Variants in DPH6 observed in about 807,000 individuals in gnomAD.
The protein encoded by DPH6 is diphthamine biosynthesis 6.
In DPH6, 33 loss-of-function variants were observed where a neutral mutation model predicts 38.2. The ratio of observed to expected loss-of-function variants is 0.86; its 90% CI spans 0.65 to 1.15. The LOEUF is 1.15. DPH6 is among the 50% of genes most tolerant of loss of function. The pLI, the probability that DPH6 is intolerant of heterozygous loss-of-function variation, is 0.00. For synonymous variants in DPH6, 108 were observed against 103.0 expected (o/e 1.05, Z -0.30); for missense variants, 325 against 320.0 (o/e 1.02, Z -0.12).
intron 3 of DPH6, among the ~76,000 whole-genome samples, chr15:35,515,584 G>A (rs928792695): frequency 1.1e-4 from 16 of 152,026 alleles, no homozygotes; most frequent in African/African-American, 3.9e-4. Flanking sequence ...AGCCGGGCAC[G>A]GTGGCGGGCG....
At chr15:35,430,476 T>C (rs567406829) in intron 5 of DPH6, among the ~76,000 whole-genome samples, 2 of 151,766 alleles carry the variant, frequency 1.3e-5, no homozygotes, top group Non-Finnish European at 2.9e-5. Context: ...TTACATCTAA[T>C]GACTCCTGCC....
the DPH6 span, among the ~76,000 whole-genome samples, chr15:35,160,669 A>G: frequency 6.6e-6 from 1 of 151,792 alleles, no homozygotes; most frequent in Non-Finnish European, 1.5e-5. Context: ...TGTGTACTCA[A>G]TGTTTAGCTT....
chr15:35,218,269 T>C (rs1451910374), exon 4 of DPH6: 1 of 152,224 alleles, frequency 6.6e-6, no homozygotes, highest in African/African-American at 2.4e-5. Flanking sequence ...ATAGTATTTG[T>C]TCAAAGAGAA....
intron 3 of DPH6, among the ~76,000 whole-genome samples, chr15:35,255,169 AAGGC>A (rs1458429359): frequency 1.3e-5 from 2 of 152,224 alleles, no homozygotes; most frequent in African/African-American, 4.8e-5. Flanking sequence ...ACTATGAAAC[AAGGC>A]AGTATCACAC....
chr15:35,403,958 A>G (rs1050803851), intron 6 of DPH6, among the ~76,000 whole-genome samples: 1 of 152,078 alleles, frequency 6.6e-6, no homozygotes, highest in South Asian at 2.1e-4. Flanking sequence ...GATCCCACAA[A>G]TAAGTGACAA....
At chr15:35,255,553 C>T (rs1474907395) in intron 3 of DPH6, among the ~76,000 whole-genome samples, 3 of 152,004 alleles carry the variant, frequency 2.0e-5, no homozygotes, top group African/African-American at 4.8e-5. Context: ...ATAAATGTTA[C>T]TTTAGTTTCA....
intron 3 of DPH6, among the ~76,000 whole-genome samples, chr15:35,225,737 G>T (rs1426174269): frequency 6.6e-6 from 1 of 152,130 alleles, no homozygotes; most frequent in African/African-American, 2.4e-5. Flanking sequence ...GCTGTCACTG[G>T]TGTGTTACCA....
intron 3 of DPH6, among the ~76,000 whole-genome samples, chr15:35,345,572 C>G (rs1039739022): frequency 1.3e-5 from 2 of 151,870 alleles, no homozygotes; most frequent in African/African-American, 4.8e-5. Context: ...GTTAATCTTG[C>G]ATCCCTAGAA....
At chr15:35,348,962 A>G (rs548734515) in intron 3 of DPH6, among the ~76,000 whole-genome samples, 23 of 152,240 alleles carry the variant, frequency 1.5e-4, no homozygotes, top group Non-Finnish European at 1.5e-5. Context: ...TTTTGCTGAT[A>G]ATGTACAGAA....
intron 3 of DPH6, among the ~76,000 whole-genome samples, chr15:35,468,911 T>C (rs1199255479): frequency 6.6e-6 from 1 of 151,964 alleles, no homozygotes. Context: ...CTACTAAAAG[T>C]ACGAAAATTA....
At chr15:35,264,097 T>C (rs80296433) in intron 3 of DPH6, among the ~76,000 whole-genome samples, 1 of 46,640 alleles carries the variant, frequency 2.1e-5, no homozygotes, top group African/African-American at 3.3e-5. Context: ...TTAAGCCTTG[T>C]TTTTTTTTTT....
chr15:35,207,662 T>G, the DPH6 span, among the ~76,000 whole-genome samples: 1 of 152,320 alleles, frequency 6.6e-6, no homozygotes, highest in Admixed American at 6.5e-5. Context: ...TAGCAAGTTG[T>G]TTTTAAAGCA....
chr15:35,172,772 G>C, the DPH6 span, among the ~76,000 whole-genome samples: 2 of 152,094 alleles, frequency 1.3e-5, no homozygotes, highest in Non-Finnish European at 2.9e-5. Flanking sequence ...GTGCACTGTA[G>C]TCTTGAACTC....
chr15:35,478,406 A>ACACACAC (rs1566925048), intron 3 of DPH6, among the ~76,000 whole-genome samples: 4 of 131,166 alleles, frequency 3.0e-5, no homozygotes, highest in African/African-American at 1.2e-4. Context: ...CACACACACA[A>ACACACAC]AGATTGTAAA....
chr15:35,296,231 G>A (rs1367866874), intron 3 of DPH6, among the ~76,000 whole-genome samples: 1 of 152,070 alleles, frequency 6.6e-6, no homozygotes, highest in African/African-American at 2.4e-5. Flanking sequence ...GAGCCACCAC[G>A]CCTGGCCTTA....
chr15:35,301,832 G>A (rs1297046255), intron 3 of DPH6, among the ~76,000 whole-genome samples: 1 of 152,058 alleles, frequency 6.6e-6, no homozygotes, highest in Admixed American at 6.5e-5. Context: ...AAATTAGCTG[G>A]GTGTGGTGGC....
chr15:35,438,296 C>T (rs949353418), intron 5 of DPH6, among the ~76,000 whole-genome samples: 1 of 152,026 alleles, frequency 6.6e-6, no homozygotes, highest in Non-Finnish European at 1.5e-5. Flanking sequence ...CTCTCTCTTT[C>T]GTCCAGGCTG....
intron 3 of DPH6, among the ~76,000 whole-genome samples, chr15:35,516,279 T>C (rs1392239300): frequency 6.6e-6 from 1 of 152,198 alleles, no homozygotes; most frequent in Non-Finnish European, 1.5e-5. Context: ...AATTATCTTA[T>C]GAAGTTAGTT....
chr15:35,542,924 T>A (rs2055277718), intron 1 of DPH6, among the ~76,000 whole-genome samples: 1 of 79,634 alleles, frequency 1.3e-5, no homozygotes, highest in Non-Finnish European at 2.4e-5. Context: ...ATATATATAA[T>A]ATATATTATT....
Sources: gnomAD v4.1 joint callset for allele counts (sites outside exome capture counted in the v4.1 genomes callset) on GRCh38, gnomAD v4.1.1 for gene constraint, MANE v1.5 for transcripts, NCBI Gene and HGNC (gene_info 2026-07-23, HGNC 2026-07-21) for gene names.